The following CCDC171 variants were observed in gnomAD, a reference collection of about 807,000 sequenced individuals.
CCDC171 encodes coiled-coil domain-containing protein 171.
In CCDC171, 177 loss-of-function variants were observed where a neutral mutation model predicts 168.2. That is an observed-to-expected ratio of 1.05 (90% CI 0.93 to 1.19). CCDC171 has a LOEUF of 1.19. CCDC171 is among the 50% of genes most tolerant of loss of function. CCDC171 has a pLI of 0.00. For synonymous variants in CCDC171, 687 were observed against 540.8 expected (o/e 1.27, Z -3.75); for missense variants, 1,991 against 1,539.0 (o/e 1.29, Z -4.91).
rs913454435 is a variant in CCDC171, at chr9:15,582,491, T to C, written c.352+3468T>C. On this transcript the variant is annotated intron_variant, in intron 4 of 25. Coordinates refer to ENST00000380701, the MANE Select transcript of CCDC171 (RefSeq NM_173550.4). The stretch of plus-strand genomic sequence containing the variant: ...AAGACACATGCACACGTATGTTTAT[T>C]GTGGCACTGTTCACAATAGCAAAGA... 2.0e-4 allele frequency among the ~76,000 whole-genome samples: 30 copies of C among 152,124 alleles called. 2 individuals are homozygous for C. Among genetic ancestry groups the C allele is most frequent in the Non-Finnish European group, 2.9e-5 (2 of 68,026 alleles).
chr9:16,062,875 C>G (rs1213843509), downstream of CCDC171, among the ~76,000 whole-genome samples: 1 of 152,186 alleles, frequency 6.6e-6, no homozygotes, highest in African/African-American at 2.4e-5. Context: ...ATTTTGCTTC[C>G]TTTCCAATTT....
intron 16 of CCDC171, among the ~76,000 whole-genome samples, chr9:15,732,094 T>C (rs905301883): frequency 1.7e-4 from 26 of 152,096 alleles, no homozygotes; most frequent in Non-Finnish European, 4.4e-5. Context: ...TGGATACATA[T>C]CCTTTGTCAT....
At chr9:15,956,178 A>T (rs925631681) in intron 25 of CCDC171, among the ~76,000 whole-genome samples, 1 of 152,164 alleles carries the variant, frequency 6.6e-6, no homozygotes, top group African/African-American at 2.4e-5. Context: ...AAGCACTGCT[A>T]CTTGGAGACC....
In CCDC171 at chr9:15,860,936, A is replaced by ATGTGTGTGTGTGTGTGTGTGTGTG. The variant is rs770617574; in HGVS notation, c.3468+11992_3468+12015dup. Among the ~76,000 whole-genome samples, 295 of 144,252 alleles carry ATGTGTGTGTGTGTGTGTGTGTGTG rather than the reference A, an allele frequency of 2.0e-3. 2 individuals are homozygous for ATGTGTGTGTGTGTGTGTGTGTGTG. Among genetic ancestry groups the ATGTGTGTGTGTGTGTGTGTGTGTG allele is most frequent in the South Asian group, 5.9e-3 (26 of 4,396 alleles). 94.6% of individuals were successfully genotyped at this position (144,252 alleles called of 152,430 possible). A position where few individuals can be genotyped will look rare whatever the true frequency, so the allele number is the denominator to read the frequency against. On this transcript the variant is annotated intron_variant, in intron 23 of 25. Transcript: ENST00000380701. Reference sequence around the variant, plus strand: ...ATATTTAGGTGCTCTGTTGTTAGGGATGTGTGTGTGTGTGTGTGTGTGTGT... The same window carrying ATGTGTGTGTGTGTGTGTGTGTGTG: ...ATATTTAGGTGCTCTGTTGTTAGGGATGTGTGTGTGTGTGTGTGTGTGTGTGTGTGTGTGTGTGTGTGTGTGTGT...
intron 19 of CCDC171, among the ~76,000 whole-genome samples, chr9:15,778,643 C>CAAAAAAAAAAAAAAAAAAAAAAAAAA (rs527592822): frequency 1.7e-5 from 1 of 58,770 alleles, no homozygotes; most frequent in African/African-American, 6.7e-5. Context: ...AAGACTGTCT[C>CAAAAAAAAAAAAAAAAAAAAAAAAAA]AAAAAAAAAA....
chr9:15,825,060 G>A (rs1381819995), intron 21 of CCDC171, among the ~76,000 whole-genome samples: 2 of 152,032 alleles, frequency 1.3e-5, no homozygotes, highest in East Asian at 3.9e-4. Context: ...CTTGTGGTAT[G>A]GAAGCAGGAT....
chr9:15,617,317 G>A (rs1435574728), intron 6 of CCDC171, among the ~76,000 whole-genome samples: 2 of 151,474 alleles, frequency 1.3e-5, no homozygotes, highest in African/African-American at 4.9e-5. Flanking sequence ...CCTTATCTTT[G>A]TGGATTTATC....
chr9:15,632,940 A>C (rs908049331), intron 7 of CCDC171, among the ~76,000 whole-genome samples: 2 of 152,224 alleles, frequency 1.3e-5, no homozygotes, highest in South Asian at 2.1e-4. Context: ...CCTGTTTAAT[A>C]AATGGTGCTG....
intron 18 of CCDC171, among the ~76,000 whole-genome samples, chr9:15,772,313 TA>T (rs2057056118): frequency 1.3e-5 from 2 of 152,232 alleles, no homozygotes; most frequent in Admixed American, 1.3e-4. Flanking sequence ...CATGAATGTA[TA>T]TCTGTGTGTT....
At chr9:15,593,645 A>G (rs180770765) in intron 5 of CCDC171, among the ~76,000 whole-genome samples, 117 of 152,186 alleles carry the variant, frequency 7.7e-4, no homozygotes, top group African/African-American at 2.6e-3. Flanking sequence ...TCCATATTAA[A>G]TGGAATCTAC....
intron 25 of CCDC171, among the ~76,000 whole-genome samples, chr9:15,924,313 A>C (rs1825661552): frequency 1.3e-5 from 2 of 151,336 alleles, no homozygotes; most frequent in South Asian, 4.1e-4. Flanking sequence ...GTCAGTTGCT[A>C]ACTATGTGGC....
downstream of CCDC171, chr9:16,061,768 G>C (rs1279738272): frequency 6.6e-6 from 1 of 152,180 alleles, no homozygotes; most frequent in East Asian, 1.9e-4. Context: ...CATTTTTACA[G>C]ATAAGGAGAC....
chr9:16,081,340 G>A, the CCDC171 span, among the ~76,000 whole-genome samples: 1 of 152,156 alleles, frequency 6.6e-6, no homozygotes, highest in South Asian at 2.1e-4. Context: ...CTCCCTTACT[G>A]GTCAGGGCTT....
intron 11 of CCDC171, among the ~76,000 whole-genome samples, chr9:15,707,131 C>G (rs1490211721): frequency 1.3e-5 from 2 of 152,166 alleles, no homozygotes; most frequent in Non-Finnish European, 2.9e-5. Flanking sequence ...ACACCGTTTC[C>G]TCTGTTGTCA....
chr9:15,557,457 T>A (rs200694479), intron 1 of CCDC171, among the ~76,000 whole-genome samples: 2 of 152,124 alleles, frequency 1.3e-5, no homozygotes, highest in African/African-American at 4.8e-5. Flanking sequence ...GGTCCTTCAC[T>A]TCCTTTGTAA....
At chr9:15,681,643 C>A (rs977078028) in intron 10 of CCDC171, among the ~76,000 whole-genome samples, 1 of 151,238 alleles carries the variant, frequency 6.6e-6, no homozygotes, top group Non-Finnish European at 1.5e-5. Context: ...TGTACATATT[C>A]CTTTATTGAC....
At chr9:16,001,825 C>T (rs1202913529) in intron 3 of CCDC171, among the ~76,000 whole-genome samples, 7 of 147,730 alleles carry the variant, frequency 4.7e-5, no homozygotes, top group Admixed American at 4.2e-4. Flanking sequence ...TACTGGTTTA[C>T]GGATTTATTA....
chr9:15,941,223 A>G (rs1278669874), intron 25 of CCDC171, among the ~76,000 whole-genome samples: 1 of 152,012 alleles, frequency 6.6e-6, no homozygotes, highest in South Asian at 2.1e-4. Flanking sequence ...GTATTTAAAT[A>G]TTTAAAGTTT....
chr9:16,029,704 A>C (rs1480415058), intron 6 of CCDC171, among the ~76,000 whole-genome samples: 1 of 152,198 alleles, frequency 6.6e-6, no homozygotes, highest in African/African-American at 2.4e-5. Flanking sequence ...TAGGGTGATA[A>C]ATGTGAGATT....
Sources: allele counts gnomAD v4.1 joint callset (sites outside exome capture counted in the v4.1 genomes callset), GRCh38; gene constraint gnomAD v4.1.1; transcripts MANE v1.5; gene names NCBI Gene and HGNC (gene_info 2026-07-23, HGNC 2026-07-21).